Variants in GPHN observed in about 807,000 individuals in gnomAD.
GPHN encodes the protein gephyrin.
In GPHN, 17 loss-of-function variants were observed where a neutral mutation model predicts 95.5. The observed-to-expected ratio is 0.18, with a 90% CI of 0.12 to 0.27. The LOEUF is 0.27. GPHN is among the 10% of genes least tolerant of loss of function. The pLI, the probability that GPHN is intolerant of heterozygous loss-of-function variation, is 1.00. For synonymous variants in GPHN, 320 were observed against 322.5 expected (o/e 0.99, Z 0.08); for missense variants, 660 against 978.1 (o/e 0.67, Z 4.34).
At chr14:66,845,136 C>G (rs1005206689) in intron 4 of GPHN, among the ~76,000 whole-genome samples, 2 of 152,138 alleles carry the variant, frequency 1.3e-5, no homozygotes, top group Non-Finnish European at 2.9e-5. Context: ...TTGGTGGACA[C>G]TGGGTTGTTT....
the GPHN span, chr14:67,312,485 A>G: frequency 7.2e-7 from 1 of 1,381,026 alleles, no homozygotes; most frequent in Non-Finnish European, 9.7e-7. Context: ...GAAACATTTT[A>G]TATTGCCATT....
At chr14:66,757,161 GA>G (rs967328505) in intron 2 of GPHN, among the ~76,000 whole-genome samples, 2 of 152,024 alleles carry the variant, frequency 1.3e-5, no homozygotes, top group African/African-American at 4.8e-5. Flanking sequence ...ATGGAGTTAT[GA>G]AAAAATTAAA....
intron 1 of GPHN, among the ~76,000 whole-genome samples, chr14:66,601,223 CT>C (rs1566682340): frequency 6.6e-6 from 1 of 151,892 alleles, no homozygotes; most frequent in Non-Finnish European, 1.5e-5. Flanking sequence ...GCTCAAATAA[CT>C]AAATTTAAGG....
chr14:66,585,802 C>G (rs1190947618), intron 1 of GPHN, among the ~76,000 whole-genome samples: 2 of 152,286 alleles, frequency 1.3e-5, no homozygotes, highest in Admixed American at 6.5e-5. Flanking sequence ...GAGTGCTTTA[C>G]TTCCAACTAT....
the GPHN span, among the ~76,000 whole-genome samples, chr14:67,604,874 C>T: frequency 6.6e-6 from 1 of 152,094 alleles, no homozygotes; most frequent in African/African-American, 2.4e-5. Flanking sequence ...GACTACCCTT[C>T]CCCCCTAATT....
Position 67,181,185 on chromosome 14 carries a change from G to A in GPHN, c.*248G>A, listed in dbSNP as rs1174973556. 1.3e-5 allele frequency: 7 copies of A among 543,676 alleles called. No individual in the cohort carries two copies. In the Admixed American group the frequency reaches 2.2e-4, roughly 17 times the overall value. The allele number at this position is 543,676 out of a possible 1,614,324, so 33.7% of individuals were successfully genotyped here. ...TTTCCTTTCTTGCAAATTGCTTTGT[G>A]TGTTCAATGCTAGGTCTGATAGCGA... On this transcript the variant is annotated 3_prime_UTR_variant, in exon 23 of 23. Coordinates refer to ENST00000478722, the MANE Select transcript of GPHN (RefSeq NM_020806.5).
chr14:67,329,543 C>G, the GPHN span, among the ~76,000 whole-genome samples: 1 of 152,060 alleles, frequency 6.6e-6, no homozygotes, highest in South Asian at 2.1e-4. Context: ...AGAGGGCATC[C>G]CTGTCTTGCG....
At chr14:67,192,074 A>G in the GPHN span, among the ~76,000 whole-genome samples, 1 of 151,982 alleles carries the variant, frequency 6.6e-6, no homozygotes, top group Non-Finnish European at 1.5e-5. Context: ...CTCAAATAAA[A>G]CTCCATTCTT....
At chr14:66,905,884 A>G (rs1397630414) in intron 5 of GPHN, among the ~76,000 whole-genome samples, 2 of 152,006 alleles carry the variant, frequency 1.3e-5, no homozygotes. Context: ...AGGTACGTCC[A>G]TGTTGCTGCA....
chr14:67,320,157 G>C, the GPHN span: 1 of 1,391,418 alleles, frequency 7.2e-7, no homozygotes, highest in Non-Finnish European at 9.6e-7. Flanking sequence ...TTTGGGTGAA[G>C]ATCTATGAGT....
intron 2 of GPHN, among the ~76,000 whole-genome samples, chr14:66,775,025 CT>C (rs2059332039): frequency 6.7e-6 from 1 of 149,504 alleles, no homozygotes; most frequent in Non-Finnish European, 1.5e-5. Context: ...TTTTTTTTTT[CT>C]TTCCAACTTT....
At chr14:66,672,605 G>A (rs1190216376) in intron 1 of GPHN, among the ~76,000 whole-genome samples, 1 of 152,044 alleles carries the variant, frequency 6.6e-6, no homozygotes, top group Non-Finnish European at 1.5e-5. Flanking sequence ...GTGTATATAT[G>A]CTAAGGACTG....
chr14:66,528,213 T>C (rs565223234), intron 1 of GPHN, among the ~76,000 whole-genome samples: 29 of 152,360 alleles, frequency 1.9e-4, no homozygotes, highest in South Asian at 1.0e-3. Flanking sequence ...TTTACCATTA[T>C]GTAATGTCCT....
the GPHN span, chr14:67,488,417 C>T: frequency 6.6e-6 from 1 of 152,478 alleles, no homozygotes; most frequent in Non-Finnish European, 1.5e-5. Flanking sequence ...CTGAGAGCAT[C>T]ACAGTGGGCT....
At chr14:66,654,100 A>G (rs1446618370) in intron 1 of GPHN, among the ~76,000 whole-genome samples, 1 of 152,160 alleles carries the variant, frequency 6.6e-6, no homozygotes, top group South Asian at 2.1e-4. Context: ...CTATTTTAAA[A>G]AATGTAGCTA....
At chr14:67,017,145 C>T (rs1594827596) in intron 9 of GPHN, among the ~76,000 whole-genome samples, 1 of 152,058 alleles carries the variant, frequency 6.6e-6, no homozygotes, top group South Asian at 2.1e-4. Context: ...TCTTTGAGTT[C>T]TTCAGTTGAA....
At chr14:67,140,602 T>G (rs1189728229) in intron 17 of GPHN, among the ~76,000 whole-genome samples, 2 of 152,206 alleles carry the variant, frequency 1.3e-5, no homozygotes, top group Non-Finnish European at 2.9e-5. Context: ...CTTTTTCTAC[T>G]AACATAAAAT....
chr14:67,183,074 C>A (rs1372659220), downstream of GPHN, among the ~76,000 whole-genome samples: 4 of 151,516 alleles, frequency 2.6e-5, no homozygotes, highest in African/African-American at 9.7e-5. Flanking sequence ...AAAGAGTATT[C>A]CAAAAACAGA....
chr14:66,833,836 A>T (rs1008683125), intron 4 of GPHN, among the ~76,000 whole-genome samples: 1 of 152,328 alleles, frequency 6.6e-6, no homozygotes, highest in Non-Finnish European at 1.5e-5. Context: ...CAATCGGAAT[A>T]TGTAATCATA....
Sources: allele counts gnomAD v4.1 joint callset (sites outside exome capture counted in the v4.1 genomes callset), GRCh38; gene constraint gnomAD v4.1.1; transcripts MANE v1.5; gene names NCBI Gene and HGNC (gene_info 2026-07-23, HGNC 2026-07-21).